CADM2: variants seen among roughly 807,000 people sequenced by gnomAD.
The protein encoded by CADM2 is immunoglobulin superfamily member 4D.
Under a neutral mutation model 49.8 loss-of-function variants are expected in CADM2, and 12 were observed. The observed-to-expected ratio is 0.24, with a 90% confidence interval of 0.15 to 0.39. The LOEUF is 0.39. Among genes scored for constraint, CADM2 ranks in the 10% least tolerant of loss-of-function variants. The pLI is 1.00. For synonymous variants in CADM2, 214 were observed against 175.4 expected (o/e 1.22, Z -1.74); for missense variants, 378 against 492.3 (o/e 0.77, Z 2.20).
chr3:85,643,900 C>G (rs1199906303), intron 1 of CADM2, among the ~76,000 whole-genome samples: 1 of 152,022 alleles, frequency 6.6e-6, no homozygotes, highest in Non-Finnish European at 1.5e-5. Flanking sequence ...ATTTTTTAGG[C>G]TCCATTTCTA....
chr3:86,013,901 T>C, intron 8 of CADM2: 2 of 1,592,984 alleles, frequency 1.3e-6, no homozygotes, highest in Non-Finnish European at 1.7e-6. Context: ...ATCCCCAAGC[T>C]ATCTACACAC....
At chr3:85,768,755 A>G (rs1212977435) in intron 2 of CADM2, among the ~76,000 whole-genome samples, 1 of 138,622 alleles carries the variant, frequency 7.2e-6, no homozygotes, top group African/African-American at 2.7e-5. Flanking sequence ...ATATATACAT[A>G]TATAGTATAT....
intron 1 of CADM2, among the ~76,000 whole-genome samples, chr3:85,108,870 T>G (rs1263355879): frequency 6.6e-6 from 1 of 151,828 alleles, no homozygotes; most frequent in African/African-American, 2.4e-5. Flanking sequence ...AAAAATCAAG[T>G]CGGGATCAAG....
At chr3:85,681,826 T>C (rs988451650) in intron 1 of CADM2, among the ~76,000 whole-genome samples, 4 of 152,148 alleles carry the variant, frequency 2.6e-5, no homozygotes, top group African/African-American at 9.7e-5. Context: ...TTCTTAACTG[T>C]TAAGTGAATA....
chr3:85,234,025 T>C (rs550328246), intron 1 of CADM2, among the ~76,000 whole-genome samples: 1 of 152,244 alleles, frequency 6.6e-6, no homozygotes, highest in Middle Eastern at 3.4e-3. Context: ...ATGGATTATC[T>C]CAGTTAATTC....
intron 1 of CADM2, among the ~76,000 whole-genome samples, chr3:85,652,119 C>T (rs1388343107): frequency 1.3e-5 from 2 of 151,604 alleles, no homozygotes; most frequent in Non-Finnish European, 2.9e-5. Flanking sequence ...ACCTGGCCAA[C>T]TAAACTTATT....
chr3:85,717,430 T>A (rs1375129054), intron 1 of CADM2, among the ~76,000 whole-genome samples: 1 of 152,174 alleles, frequency 6.6e-6, no homozygotes, highest in African/African-American at 2.4e-5. Flanking sequence ...ACAATAATGT[T>A]ATCTGCAAAC....
intron 3 of CADM2, among the ~76,000 whole-genome samples, chr3:85,825,675 T>A (rs544379734): frequency 6.6e-6 from 1 of 152,232 alleles, no homozygotes; most frequent in South Asian, 2.1e-4. Flanking sequence ...TTGGAATACA[T>A]ATTTTATTTT....
At chr3:85,769,432 T>C (rs2069901912) in intron 2 of CADM2, among the ~76,000 whole-genome samples, 1 of 100,016 alleles carries the variant, frequency 1.0e-5, no homozygotes, top group Non-Finnish European at 1.8e-5. Context: ...TATACATATA[T>C]AGTATATATA....
Position 85,568,459 on chromosome 3 carries a change from CTT to C in CADM2, c.62-158061_62-158060del, listed in dbSNP as rs1305409411. Among the ~76,000 whole-genome samples the C allele has an allele frequency of 6.0e-3, 213 of 35,794 alleles. 3 individuals are homozygous for C. The highest frequency in any genetic ancestry group is 0.021 in the African/African-American group (203 of 9,508). The allele number at this position is 35,794 out of a possible 152,430, so 23.5% of individuals were successfully genotyped here. ...TCTTTCTTTCTTTCTTTCTTTCTTT[CTT>C]TCTCTTTCTCTCTCTTTCTTTCTTT... On this transcript the variant is annotated intron_variant, in intron 1 of 9. Coordinates refer to ENST00000383699, the MANE Select transcript of CADM2 (RefSeq NM_001167675.2).
chr3:85,952,820 T>G (rs964639074), intron 7 of CADM2, among the ~76,000 whole-genome samples: 1 of 150,956 alleles, frequency 6.6e-6, no homozygotes, highest in Non-Finnish European at 1.5e-5. Context: ...TCTTAAGAAC[T>G]GTATATATGG....
intron 1 of CADM2, among the ~76,000 whole-genome samples, chr3:85,249,682 T>A (rs1019330967): frequency 5.9e-4 from 89 of 151,964 alleles, no homozygotes; most frequent in African/African-American, 2.1e-3. Flanking sequence ...TTGCAAATGA[T>A]AAAATGCAAT....
chr3:85,495,566 T>G (rs763399957), intron 1 of CADM2, among the ~76,000 whole-genome samples: 4 of 152,074 alleles, frequency 2.6e-5, no homozygotes, highest in Non-Finnish European at 5.9e-5. Flanking sequence ...CCCTGTTTGT[T>G]CTTTATTATT....
chr3:85,246,418 A>G (rs1464207610), intron 1 of CADM2, among the ~76,000 whole-genome samples: 1 of 152,134 alleles, frequency 6.6e-6, no homozygotes, highest in Admixed American at 6.5e-5. Flanking sequence ...CACGTCATGC[A>G]CATGTACCCT....
chr3:85,370,438 A>T (rs1016172698), intron 1 of CADM2, among the ~76,000 whole-genome samples: 8 of 150,822 alleles, frequency 5.3e-5, no homozygotes, highest in Non-Finnish European at 1.0e-4. Context: ...AAATAAAAGA[A>T]AATTGAACTA....
intron 1 of CADM2, among the ~76,000 whole-genome samples, chr3:85,382,887 T>A (rs1335823848): frequency 6.6e-6 from 1 of 152,172 alleles, no homozygotes; most frequent in Non-Finnish European, 1.5e-5. Flanking sequence ...CTGCCAACAC[T>A]TACGAGTGCT....
intron 7 of CADM2, among the ~76,000 whole-genome samples, chr3:85,951,084 A>G (rs550921521): frequency 7.3e-5 from 11 of 151,190 alleles, no homozygotes; most frequent in African/African-American, 2.7e-4. Flanking sequence ...TAGAAGAAAA[A>G]AAGTCTATTG....
chr3:85,888,363 G>A (rs1713961182), intron 5 of CADM2, among the ~76,000 whole-genome samples: 1 of 152,080 alleles, frequency 6.6e-6, no homozygotes, highest in Non-Finnish European at 1.5e-5. Context: ...CATACATTGG[G>A]CAGGAGGGGA....
At chr3:85,631,430 A>G (rs1006387073) in intron 1 of CADM2, among the ~76,000 whole-genome samples, 40 of 152,140 alleles carry the variant, frequency 2.6e-4, no homozygotes, top group Admixed American at 2.5e-3. Context: ...GCTAAGGTTG[A>G]AATAACATTC....
Sources: gnomAD v4.1 joint callset for allele counts (sites outside exome capture counted in the v4.1 genomes callset) on GRCh38, gnomAD v4.1.1 for gene constraint, MANE v1.5 for transcripts, NCBI Gene and HGNC (gene_info 2026-07-23, HGNC 2026-07-21) for gene names.